HYDIN: variants seen among roughly 807,000 people sequenced by gnomAD.
HYDIN encodes axonemal central pair apparatus protein HYDIN.
A neutral mutation model predicts 403.9 loss-of-function variants in HYDIN; 132 were observed. The observed-to-expected ratio is 0.33, with a 90% CI of 0.28 to 0.38. HYDIN has a LOEUF of 0.38. Ranked by LOEUF, HYDIN falls within the 10% of genes least tolerant of loss-of-function variation. HYDIN has a pLI of 1.00. For synonymous variants in HYDIN, 1,202 were observed against 1,891.7 expected (o/e 0.64, Z 9.46); for missense variants, 2,827 against 5,009.5 (o/e 0.56, Z 13.15).
At chr16:71,050,047 T>G (rs1298438864) in intron 18 of HYDIN, among the ~76,000 whole-genome samples, 312 of 143,218 alleles carry the variant, frequency 2.2e-3, no homozygotes, top group Admixed American at 7.2e-3. Flanking sequence ...TGTGTGTGGG[T>G]GTGTGTGTGT....
chr16:71,200,704 T>C (rs1226676529), intron 1 of HYDIN, among the ~76,000 whole-genome samples: 3 of 152,192 alleles, frequency 2.0e-5, no homozygotes, highest in African/African-American at 7.2e-5. Flanking sequence ...AATACATGTT[T>C]TTGAAAATAC....
intron 1 of HYDIN, among the ~76,000 whole-genome samples, chr16:71,187,336 C>A (rs1409290364): frequency 6.6e-6 from 1 of 152,120 alleles, no homozygotes; most frequent in Non-Finnish European, 1.5e-5. Flanking sequence ...GGCTTCACAG[C>A]TGGACAGAGA....
At chr16:70,944,250 A>G (rs1215577807) in intron 41 of HYDIN, among the ~76,000 whole-genome samples, 15 of 152,254 alleles carry the variant, frequency 9.9e-5, no homozygotes, top group African/African-American at 3.1e-4. Context: ...TACTAGGGAT[A>G]TAACAACAAA....
At chr16:71,210,737 G>A (rs2088543873) in intron 1 of HYDIN, among the ~76,000 whole-genome samples, 1 of 151,974 alleles carries the variant, frequency 6.6e-6, no homozygotes, top group Admixed American at 6.6e-5. Context: ...TCTATAATTA[G>A]ACTAAAATTT....
At chr16:71,206,660 C>G (rs2088316679) in intron 1 of HYDIN, among the ~76,000 whole-genome samples, 1 of 152,054 alleles carries the variant, frequency 6.6e-6, no homozygotes, top group African/African-American at 2.4e-5. Context: ...AAACCCAATC[C>G]AAGGAAGCTA....
intron 23 of HYDIN, among the ~76,000 whole-genome samples, chr16:71,012,291 G>C (rs921440558): frequency 6.6e-6 from 1 of 152,236 alleles, no homozygotes; most frequent in Non-Finnish European, 1.5e-5. Flanking sequence ...GGCCAGCCCC[G>C]GCACTTCCTG....
chr16:71,165,428 T>C (rs544130754), intron 5 of HYDIN, among the ~76,000 whole-genome samples: 3 of 151,646 alleles, frequency 2.0e-5, no homozygotes, highest in African/African-American at 7.3e-5. Context: ...CTCCCTCTCC[T>C]GCCCCATCAC....
intron 23 of HYDIN, among the ~76,000 whole-genome samples, chr16:71,013,446 TAG>T (rs1670170045): frequency 1.3e-5 from 2 of 151,256 alleles, no homozygotes; most frequent in South Asian, 4.2e-4. Flanking sequence ...CCTTGCAGAA[TAG>T]AGTGAGTGCT....
At chr16:71,068,847 A>T (rs1484180535) in intron 14 of HYDIN, among the ~76,000 whole-genome samples, 1 of 152,264 alleles carries the variant, frequency 6.6e-6, no homozygotes, top group East Asian at 1.9e-4. Flanking sequence ...TTCGGATTAC[A>T]AAGCTGAATA....
chr16:70,812,204 T>C (rs1420833546), intron 84 of HYDIN, among the ~76,000 whole-genome samples: 1 of 119,150 alleles, frequency 8.4e-6, no homozygotes, highest in Non-Finnish European at 1.7e-5. Flanking sequence ...AATAAATGAA[T>C]TGTAGCCAGG....
chr16:71,186,410 T>C (rs941333192), intron 2 of HYDIN, among the ~76,000 whole-genome samples: 2 of 152,134 alleles, frequency 1.3e-5, no homozygotes, highest in South Asian at 4.1e-4. Flanking sequence ...TAGTAAATAA[T>C]TAGGTTGAAT....
intron 5 of HYDIN, among the ~76,000 whole-genome samples, 190 bp downstream of exon 5, chr16:71,175,417 C>T (rs953860785): frequency 3.9e-5 from 6 of 151,952 alleles, no homozygotes; most frequent in African/African-American, 1.2e-4. Context: ...ACTACCACCA[C>T]TACCCACCAC....
intron 23 of HYDIN, among the ~76,000 whole-genome samples, chr16:71,014,481 C>A (rs2080190880): frequency 2.0e-5 from 3 of 151,736 alleles, no homozygotes; most frequent in Admixed American, 1.3e-4. Context: ...TCATGATCCA[C>A]AGCCTTTGGT....
chr16:70,917,313 G>A (rs1177490090), intron 47 of HYDIN, among the ~76,000 whole-genome samples: 2 of 152,208 alleles, frequency 1.3e-5, no homozygotes, highest in African/African-American at 4.8e-5. Flanking sequence ...CTTGGGTGAG[G>A]CATGCCCACC....
At position 70,809,944 on chromosome 16, in the gene HYDIN, G is replaced by A; in HGVS notation, c.14722C>T (p.His4908Tyr). The A allele has an allele frequency of 6.8e-6, 11 of 1,614,086 alleles. No homozygotes were observed. The highest frequency in any genetic ancestry group is 9.3e-6 in the Non-Finnish European group (11 of 1,179,984). Residue 4908 changes from histidine (H) to tyrosine (Y), a missense_variant, in exon 85 of 86, where the codon CAC (histidine) becomes TAC (tyrosine). His to Tyr is a moderately conservative substitution (Grantham distance 83). Transcript: ENST00000393567. The stretch of plus-strand genomic sequence containing the variant: ...TGGTAGTAACCCAAGTCAGTGTTGT[G>A]CAAAGTTAGTCTTCCGAAGGTTTCT... ...AGETFGRLTL[H>Y]NTDLGYYQYE... is the part of the protein sequence containing the mutation.
intron 60 of HYDIN, among the ~76,000 whole-genome samples, 193 bp downstream of exon 60, chr16:70,882,467 C>T (rs9929951): frequency 0.032 from 4,852 of 151,900 alleles, 37 homozygotes; most frequent in African/African-American, 0.11. Context: ...CAAAGGTACC[C>T]GGAGGAGACA....
At chr16:71,210,255 A>G (rs1374582770) in intron 1 of HYDIN, among the ~76,000 whole-genome samples, 2 of 152,240 alleles carry the variant, frequency 1.3e-5, no homozygotes, top group African/African-American at 2.4e-5. Context: ...ACATGGATCA[A>G]CCTAAATGCT....
intron 1 of HYDIN, 122 bp downstream of exon 1, chr16:71,230,440 T>A (rs2041229692): frequency 8.6e-7 from 1 of 1,168,134 alleles, no homozygotes; most frequent in Non-Finnish European, 1.2e-6. Context: ...AGGGGAGGGG[T>A]CTGGAAAGTC....
Position 70,803,858 on chromosome 16 carries a change from A to G in HYDIN, c.*3722T>C, listed in dbSNP as rs1399049786. Among the ~76,000 whole-genome samples the G allele has an allele frequency of 2.0e-5, 3 of 152,164 alleles. No homozygotes were observed. The highest frequency in any genetic ancestry group is 2.9e-5 in the Non-Finnish European group (2 of 68,026). ...CACACTCACTGGGGGCCCAGTGTGGAACGAGGCCAGGGAGCCCCATTCCCA... is the reference window on the plus strand; with the variant it reads ...CACACTCACTGGGGGCCCAGTGTGGGACGAGGCCAGGGAGCCCCATTCCCA... On this transcript the variant is annotated 3_prime_UTR_variant, in exon 86 of 86. Coordinates refer to ENST00000393567, the MANE Select transcript of HYDIN (RefSeq NM_001270974.2).
Sources: gnomAD v4.1 joint callset for allele counts (sites outside exome capture counted in the v4.1 genomes callset) on GRCh38, gnomAD v4.1.1 for gene constraint, MANE v1.5 for transcripts, NCBI Gene and HGNC (gene_info 2026-07-23, HGNC 2026-07-21) for gene names.